MAGI2: variants seen among roughly 807,000 people sequenced by gnomAD.
MAGI2 encodes the protein membrane-associated guanylate kinase, WW and PDZ domain-containing protein 2.
MAGI2 carries 35 observed loss-of-function variants against 133.3 expected under a neutral mutation model. The observed-to-expected ratio is 0.26, with a 90% CI of 0.20 to 0.35. The LOEUF is 0.35. Ranked by LOEUF, MAGI2 falls within the 10% of genes least tolerant of loss-of-function variation. The pLI, the probability that MAGI2 is intolerant of heterozygous loss-of-function variation, is 1.00. For missense variants in MAGI2, 1,636 were observed against 1,863.4 expected, an observed-to-expected ratio of 0.88 and a Z score of 2.25; for synonymous variants, 729 against 710.6, an observed-to-expected ratio of 1.03 and a Z score of -0.41.
chr7:78,895,995 C>G (rs1429114575), intron 2 of MAGI2, among the ~76,000 whole-genome samples: 1 of 151,806 alleles, frequency 6.6e-6, no homozygotes, highest in African/African-American at 2.4e-5. Context: ...ATCAATTTTT[C>G]TTATGTTTTA....
At chr7:78,974,101 A>T (rs1804026122) in intron 2 of MAGI2, among the ~76,000 whole-genome samples, 1 of 151,872 alleles carries the variant, frequency 6.6e-6, no homozygotes, top group South Asian at 2.1e-4. Context: ...TAAATTTGAA[A>T]TGAATTCTAC....
intron 6 of MAGI2, among the ~76,000 whole-genome samples, chr7:78,378,123 C>A (rs963522003): frequency 1.3e-5 from 2 of 151,692 alleles, no homozygotes; most frequent in African/African-American, 4.8e-5. Flanking sequence ...TCTGAAATGA[C>A]CAAATTACAA....
chr7:78,688,910 T>C (rs907171250), intron 2 of MAGI2, among the ~76,000 whole-genome samples: 1 of 152,146 alleles, frequency 6.6e-6, no homozygotes, highest in African/African-American at 2.4e-5. Flanking sequence ...GTTCCCATAA[T>C]ATGCCTAGGG....
At chr7:78,988,403 C>T (rs1257624441) in intron 2 of MAGI2, among the ~76,000 whole-genome samples, 3 of 152,082 alleles carry the variant, frequency 2.0e-5, no homozygotes, top group South Asian at 4.1e-4. Flanking sequence ...TAAATTTTCA[C>T]CATTAGCACA....
chr7:78,461,883 C>G (rs1373284094), intron 6 of MAGI2, among the ~76,000 whole-genome samples: 4 of 115,702 alleles, frequency 3.5e-5, no homozygotes, highest in South Asian at 2.9e-4. Context: ...TGCACTCTAG[C>G]CGGGGCAACA....
At chr7:78,174,814 A>T (rs1218888353) in intron 14 of MAGI2, among the ~76,000 whole-genome samples, 1 of 152,144 alleles carries the variant, frequency 6.6e-6, no homozygotes, top group Non-Finnish European at 1.5e-5. Flanking sequence ...TGAGGAAGAA[A>T]GGGGGCTGAA....
intron 6 of MAGI2, among the ~76,000 whole-genome samples, chr7:78,470,544 C>A (rs1051517932): frequency 4.6e-5 from 7 of 151,916 alleles, no homozygotes; most frequent in African/African-American, 1.7e-4. Context: ...TCACCTTTTT[C>A]GTTCACCATT....
chr7:78,913,655 A>C (rs185397482), intron 2 of MAGI2, among the ~76,000 whole-genome samples: 52 of 152,110 alleles, frequency 3.4e-4, no homozygotes, highest in Non-Finnish European at 6.3e-4. Context: ...TATTCTTTCC[A>C]TGTTTGTATT....
intron 21 of MAGI2, among the ~76,000 whole-genome samples, chr7:78,055,047 C>T (rs1047316506): frequency 5.9e-5 from 9 of 152,038 alleles, no homozygotes; most frequent in African/African-American, 2.2e-4. Flanking sequence ...GGATTACAGG[C>T]GTGTGTTTTT....
At chr7:78,097,837 T>A (rs1357478723) in intron 20 of MAGI2, among the ~76,000 whole-genome samples, 2 of 151,392 alleles carry the variant, frequency 1.3e-5, no homozygotes, top group Non-Finnish European at 2.9e-5. Context: ...AAATAAAAAA[T>A]TTGCCAATCC....
chr7:78,058,575 G>T (rs189338864), intron 21 of MAGI2, among the ~76,000 whole-genome samples: 1 of 151,482 alleles, frequency 6.6e-6, no homozygotes, highest in Non-Finnish European at 1.5e-5. Context: ...GGGTTCAAGC[G>T]ATTCTCTTGC....
At chr7:78,400,362 T>A (rs368544725) in intron 6 of MAGI2, among the ~76,000 whole-genome samples, 1 of 150,488 alleles carries the variant, frequency 6.6e-6, no homozygotes, top group African/African-American at 2.4e-5. Context: ...CAGTCATTTT[T>A]AAGTACATTC....
intron 1 of MAGI2, among the ~76,000 whole-genome samples, chr7:79,044,928 T>C (rs1280401788): frequency 6.6e-6 from 1 of 152,238 alleles, no homozygotes; most frequent in Admixed American, 6.5e-5. Flanking sequence ...CTAATCCTTG[T>C]TATTTACCTG....
chr7:78,511,229 TATG>T (rs780823944), intron 4 of MAGI2, among the ~76,000 whole-genome samples: 7 of 152,230 alleles, frequency 4.6e-5, no homozygotes, highest in African/African-American at 7.2e-5. Flanking sequence ...TATGGGAAAT[TATG>T]ATTATTTTAT....
At chr7:79,371,465 T>C (rs1320261628) in intron 1 of MAGI2, among the ~76,000 whole-genome samples, 1 of 152,108 alleles carries the variant, frequency 6.6e-6, no homozygotes, top group Admixed American at 6.6e-5. Flanking sequence ...TCTTATAAGA[T>C]TAAATTATAG....
chr7:79,153,712 C>G (rs1250541199), intron 1 of MAGI2, among the ~76,000 whole-genome samples: 1 of 152,168 alleles, frequency 6.6e-6, no homozygotes, highest in Non-Finnish European at 1.5e-5. Context: ...GTTTTTATCA[C>G]AAGAGTTACA....
At chr7:79,372,814 C>T (rs1405854419) in intron 1 of MAGI2, among the ~76,000 whole-genome samples, 2 of 151,918 alleles carry the variant, frequency 1.3e-5, no homozygotes, top group African/African-American at 4.8e-5. Flanking sequence ...AATAGAATAG[C>T]CTTTTGCCAC....
At chr7:79,177,851 T>C (rs190453947) in intron 1 of MAGI2, among the ~76,000 whole-genome samples, 9 of 151,622 alleles carry the variant, frequency 5.9e-5, no homozygotes, top group Non-Finnish European at 1.2e-4. Flanking sequence ...TCTTAAGGCA[T>C]AAGAAAGGTC....
chr7:79,262,642 A>G (rs1025625873), intron 1 of MAGI2, among the ~76,000 whole-genome samples: 1 of 152,222 alleles, frequency 6.6e-6, no homozygotes, highest in African/African-American at 2.4e-5. Flanking sequence ...GTATCACCAC[A>G]TTACAAAGTG....
Sources: gnomAD v4.1 joint callset for allele counts (sites outside exome capture counted in the v4.1 genomes callset) on GRCh38, gnomAD v4.1.1 for gene constraint, MANE v1.5 for transcripts, NCBI Gene and HGNC (gene_info 2026-07-23, HGNC 2026-07-21) for gene names.